Variants in STK32B observed in about 807,000 individuals in gnomAD.
STK32B encodes the protein serine/threonine-protein kinase 32B.
STK32B carries 43 observed loss-of-function variants against 52.6 expected under a neutral mutation model. The observed-to-expected ratio is 0.82, with a 90% CI of 0.64 to 1.05. The LOEUF (loss-of-function observed/expected upper bound fraction) is 1.05, where lower values mean the gene tolerates loss of function less well. Among genes scored for constraint, STK32B ranks in the 50% least tolerant of loss-of-function variants. The pLI, the probability that STK32B is intolerant of heterozygous loss-of-function variation, is 0.00. For missense variants in STK32B, 621 were observed against 534.6 expected, an observed-to-expected ratio of 1.16 and a Z score of -1.59; for synonymous variants, 238 against 204.3, an observed-to-expected ratio of 1.17 and a Z score of -1.41.
At chr4:5,237,893 C>A (rs1474837847) in intron 3 of STK32B, among the ~76,000 whole-genome samples, 2 of 152,108 alleles carry the variant, frequency 1.3e-5, no homozygotes, top group Non-Finnish European at 2.9e-5. Flanking sequence ...ATTTTTCAAG[C>A]TTTATTTGGA....
chr4:5,229,026 A>G (rs1190841304), intron 3 of STK32B, among the ~76,000 whole-genome samples: 1 of 152,210 alleles, frequency 6.6e-6, no homozygotes, highest in Non-Finnish European at 1.5e-5. Flanking sequence ...TGCAACAGCA[A>G]TGTGTCTAAA....
intron 1 of STK32B, among the ~76,000 whole-genome samples, chr4:5,127,924 T>A (rs77317148): frequency 6.6e-6 from 1 of 152,146 alleles, no homozygotes; most frequent in Non-Finnish European, 1.5e-5. Context: ...AGAGTTCCCC[T>A]ACACGAGCTC....
intron 4 of STK32B, among the ~76,000 whole-genome samples, chr4:5,362,423 G>T (rs1174059278): frequency 6.6e-6 from 1 of 152,158 alleles, no homozygotes; most frequent in Non-Finnish European, 1.5e-5. Flanking sequence ...TCTCATTTGG[G>T]CTAATTGATG....
rs1717534430 is a variant in STK32B, at chr4:5,467,471, A to G, written c.1042-535A>G. Among the ~76,000 whole-genome samples, 1 of 152,102 alleles carries G rather than the reference A, an allele frequency of 6.6e-6. No homozygotes were observed. Among genetic ancestry groups the G allele is most frequent in the South Asian group, 2.1e-4 (1 of 4,828 alleles). On this transcript the variant is annotated intron_variant, in intron 10 of 11. Coordinates refer to ENST00000282908, the MANE Select transcript of STK32B (RefSeq NM_018401.3). The surrounding 1 kb of genome is among the most constrained non-coding windows in gnomAD (Gnocchi z 5.8). ...TCGCATGTCTTCATATGGCCTTCAT[A>G]TAAGGACCCCAGTCATTGGTCTTAG...
chr4:5,295,216 G>T (rs549927705), intron 3 of STK32B, among the ~76,000 whole-genome samples: 1 of 150,386 alleles, frequency 6.6e-6, no homozygotes, highest in East Asian at 2.0e-4. Context: ...GTTCATCAGG[G>T]ATATTGGGTT....
At chr4:5,486,924 G>C (rs534637752) in intron 11 of STK32B, among the ~76,000 whole-genome samples, 1 of 152,366 alleles carries the variant, frequency 6.6e-6, no homozygotes, top group Non-Finnish European at 1.5e-5. Flanking sequence ...ATGTTGAGCA[G>C]TTAGCAAGTT....
chr4:5,122,827 G>A (rs577507260), intron 1 of STK32B, among the ~76,000 whole-genome samples: 34 of 152,206 alleles, frequency 2.2e-4, no homozygotes, highest in Non-Finnish European at 4.4e-4. Flanking sequence ...TCCTGCCTGG[G>A]TTCCATGATA....
At chr4:5,025,330 G>T in the STK32B span, among the ~76,000 whole-genome samples, 1 of 152,060 alleles carries the variant, frequency 6.6e-6, no homozygotes, top group African/African-American at 2.4e-5. Flanking sequence ...ACCCGTCCAG[G>T]GGGGAGGTGG....
At chr4:5,239,357 T>C (rs1218456799) in intron 3 of STK32B, among the ~76,000 whole-genome samples, 2 of 151,988 alleles carry the variant, frequency 1.3e-5, no homozygotes, top group African/African-American at 4.8e-5. Flanking sequence ...AAGCAGTCAA[T>C]AGAATTGGAG....
At chr4:5,020,593 T>C in the STK32B span, among the ~76,000 whole-genome samples, 8 of 151,804 alleles carry the variant, frequency 5.3e-5, no homozygotes, top group Admixed American at 5.2e-4. Context: ...GGCACATGGG[T>C]TGGGATGAGA....
At chr4:5,065,624 A>G (rs1179919016) in intron 1 of STK32B, among the ~76,000 whole-genome samples, 1 of 152,204 alleles carries the variant, frequency 6.6e-6, no homozygotes. Context: ...CTGGAAAAGG[A>G]GAAATGTCTA....
At chr4:5,130,161 C>T (rs1412168267) in intron 1 of STK32B, among the ~76,000 whole-genome samples, 1 of 146,040 alleles carries the variant, frequency 6.8e-6, no homozygotes, top group African/African-American at 2.6e-5. Context: ...AGACCTCTCA[C>T]CTTCTCCGGC....
intron 3 of STK32B, among the ~76,000 whole-genome samples, chr4:5,249,420 GTTCT>G (rs1725722699): frequency 6.7e-6 from 1 of 149,730 alleles, no homozygotes; most frequent in African/African-American, 2.5e-5. Flanking sequence ...CTGCCTGTCT[GTTCT>G]TCCTTCCTTC....
intron 2 of STK32B, among the ~76,000 whole-genome samples, chr4:5,159,943 C>T (rs569852357): frequency 1.4e-4 from 21 of 151,832 alleles, no homozygotes; most frequent in African/African-American, 4.6e-4. Flanking sequence ...GGGCGTCTGC[C>T]GCAGAAACCC....
intron 3 of STK32B, among the ~76,000 whole-genome samples, chr4:5,185,214 ATC>A (rs1469637155): frequency 3.3e-5 from 5 of 152,228 alleles, no homozygotes; most frequent in Non-Finnish European, 4.4e-5. Flanking sequence ...CTCACTGTTA[ATC>A]TGTTTTGTTT....
At chr4:5,270,033 A>G (rs1355926053) in intron 3 of STK32B, among the ~76,000 whole-genome samples, 1 of 152,240 alleles carries the variant, frequency 6.6e-6, no homozygotes, top group African/African-American at 2.4e-5. Context: ...TAGAAGCAGA[A>G]GAAACATTTG....
At chr4:5,243,352 A>G (rs562389016) in intron 3 of STK32B, among the ~76,000 whole-genome samples, 1 of 152,210 alleles carries the variant, frequency 6.6e-6, no homozygotes, top group African/African-American at 2.4e-5. Context: ...TGTGAATGGG[A>G]GTTCACTCAT....
At chr4:5,197,531 T>G (rs924751913) in intron 3 of STK32B, among the ~76,000 whole-genome samples, 2 of 152,250 alleles carry the variant, frequency 1.3e-5, no homozygotes, top group Non-Finnish European at 2.9e-5. Flanking sequence ...TTTCATTTAT[T>G]TGCTTAGTTC....
At chr4:5,299,116 A>G (rs948272543) in intron 3 of STK32B, among the ~76,000 whole-genome samples, 1 of 151,090 alleles carries the variant, frequency 6.6e-6, no homozygotes, top group African/African-American at 2.4e-5. Flanking sequence ...CTTGCCCTTC[A>G]TGGGCTGCAC....
Sources: allele counts gnomAD v4.1 joint callset (sites outside exome capture counted in the v4.1 genomes callset), GRCh38; gene constraint gnomAD v4.1.1; non-coding constraint Gnocchi (gnomAD v3.1); transcripts MANE v1.5; gene names NCBI Gene and HGNC (gene_info 2026-07-23, HGNC 2026-07-21).